EFNA5: variants seen among roughly 807,000 people sequenced by gnomAD.
The protein encoded by EFNA5 is ephrin A5.
In EFNA5, 5 loss-of-function variants were observed where a neutral mutation model predicts 22.9. That is an observed-to-expected ratio of 0.22 (90% CI 0.11 to 0.46). EFNA5 has a LOEUF of 0.46. Among genes scored for constraint, EFNA5 ranks in the 20% least tolerant of loss-of-function variants. The pLI, the probability that EFNA5 is intolerant of heterozygous loss-of-function variation, is 0.99. For missense variants in EFNA5, 237 were observed against 293.3 expected (o/e 0.81, Z 1.40); for synonymous variants, 113 against 112.2 (o/e 1.01, Z -0.04).
chr5:107,604,498 CTT>C (rs1379222980), intron 1 of EFNA5, among the ~76,000 whole-genome samples: 2 of 152,292 alleles, frequency 1.3e-5, no homozygotes, highest in East Asian at 3.9e-4. Flanking sequence ...AAGGAAATAA[CTT>C]AATTCAGCAC....
Position 107,569,399 on chromosome 5 carries a change from GTATA to G in EFNA5, c.125+101086_125+101089del, listed in dbSNP as rs199626096. Among the ~76,000 whole-genome samples the G allele has an allele frequency of 4.7e-3, 600 of 127,102 alleles. 2 individuals are homozygous for G. Among genetic ancestry groups the G allele is most frequent in the African/African-American group, 7.9e-3 (219 of 27,886 alleles). 83.4% of individuals were successfully genotyped at this position (127,102 alleles called of 152,430 possible). A position where few individuals can be genotyped will look rare whatever the true frequency, so the allele number is the denominator to read the frequency against. On this transcript the variant is annotated intron_variant, in intron 1 of 4. Coordinates refer to ENST00000333274, the MANE Select transcript of EFNA5 (RefSeq NM_001962.3). The stretch of plus-strand genomic sequence containing the variant: ...TATATATATTTTTATGTATATGTGT[GTATA>G]TATATATATATTTATGTATATGTGT...
chr5:107,460,329 C>T (rs1231290265), intron 1 of EFNA5, among the ~76,000 whole-genome samples: 1 of 152,122 alleles, frequency 6.6e-6, no homozygotes, highest in African/African-American at 2.4e-5. Context: ...ATTATCGGCC[C>T]TAACCATTTC....
chr5:107,527,290 C>CT (rs56960843), intron 1 of EFNA5, among the ~76,000 whole-genome samples: 39,045 of 142,316 alleles, frequency 0.27, 6,603 homozygotes, highest in African/African-American at 0.47. Context: ...TTTCTTTTTT[C>CT]TTTTTTTTTT....
At position 107,634,597 on chromosome 5, in the gene EFNA5, G is replaced by A. The variant is rs933629372; in HGVS notation, c.125+35892C>T. 3.4e-5 allele frequency among the ~76,000 whole-genome samples: 5 copies of A among 146,084 alleles called. 1 individual carries two copies. Among genetic ancestry groups the A allele is most frequent in the Non-Finnish European group, 6.1e-5 (4 of 65,114 alleles). On this transcript the variant is annotated intron_variant, in intron 1 of 4. Transcript: ENST00000333274. ...GGAAAACAGGTACCCTCCTACCAAC[G>A]CCCTGGGGAGTTCAAAACTCAGTAA...
rs77419879 is a variant in EFNA5, at chr5:107,521,206, G to A, written c.126-93697C>T. Among the ~76,000 whole-genome samples the A allele has an allele frequency of 5.4e-3, 817 of 152,114 alleles. 6 individuals carry two copies. The highest frequency in any genetic ancestry group is 0.012 in the Admixed American group (178 of 15,270). Reference sequence around the variant, plus strand: ...AGCCTACCTTAAACATGCTCAGAACGCTTACATTAGCCTATGGTTTGGCAA... The same window carrying A: ...AGCCTACCTTAAACATGCTCAGAACACTTACATTAGCCTATGGTTTGGCAA... On this transcript the variant is annotated intron_variant, in intron 1 of 4. Coordinates refer to ENST00000333274, the MANE Select transcript of EFNA5 (RefSeq NM_001962.3).
intron 1 of EFNA5, among the ~76,000 whole-genome samples, chr5:107,562,308 A>G (rs564064233): frequency 6.6e-6 from 1 of 152,100 alleles, no homozygotes; most frequent in Non-Finnish European, 1.5e-5. Context: ...TTCATTTATC[A>G]TTCTACCTAG....
intron 1 of EFNA5, among the ~76,000 whole-genome samples, chr5:107,591,978 TATATAATATATAATATATATAATATATAA>T (rs1749363917): frequency 2.4e-5 from 1 of 42,490 alleles, no homozygotes; most frequent in African/African-American, 1.3e-4. Context: ...ATATATATAA[TATATAATATATAATATATATAATATATAA>T]TATATATAAT....
chr5:107,559,882 C>G (rs1964510), intron 1 of EFNA5, among the ~76,000 whole-genome samples: 5,236 of 152,222 alleles, frequency 0.034, 289 homozygotes, highest in African/African-American at 0.12. Flanking sequence ...GATGCTTTCC[C>G]CCCAAATCTG....
chr5:107,423,873 C>A (rs986927095), intron 2 of EFNA5, among the ~76,000 whole-genome samples: 5 of 152,090 alleles, frequency 3.3e-5, no homozygotes, highest in African/African-American at 1.2e-4. Context: ...AACTGCAAAG[C>A]ATGTTTTATT....
At chr5:107,536,156 T>G (rs1747924461) in intron 1 of EFNA5, among the ~76,000 whole-genome samples, 1 of 152,238 alleles carries the variant, frequency 6.6e-6, no homozygotes, top group Non-Finnish European at 1.5e-5. Context: ...CAATTACTCC[T>G]TGTTCTATTT....
At chr5:107,670,170 A>T (rs1348318191) in intron 1 of EFNA5, among the ~76,000 whole-genome samples, 1 of 151,916 alleles carries the variant, frequency 6.6e-6, no homozygotes, top group Non-Finnish European at 1.5e-5. Context: ...GATGCCAGCC[A>T]GATGCCGGGG....
chr5:107,573,211 C>A (rs1280678898), intron 1 of EFNA5, among the ~76,000 whole-genome samples: 1 of 152,084 alleles, frequency 6.6e-6, no homozygotes, highest in Non-Finnish European at 1.5e-5. Context: ...CTCTCAACTT[C>A]AAACACAGAG....
Position 107,380,498 on chromosome 5 carries a change from A to G in EFNA5, c.*757T>C, listed in dbSNP as rs955372854. The G allele has an allele frequency of 1.4e-5, 4 of 292,770 alleles. No homozygotes were observed. The highest frequency in any genetic ancestry group is 8.9e-5 in the African/African-American group (4 of 44,926). 18.1% of individuals were successfully genotyped at this position (292,770 alleles called of 1,614,324 possible). Reference sequence around the variant, plus strand: ...CCAAAAAAATTAGAGGCACTCACACATACACACCCCCAGCAAACCTGTAGT... The same window carrying G: ...CCAAAAAAATTAGAGGCACTCACACGTACACACCCCCAGCAAACCTGTAGT... On this transcript the variant is annotated 3_prime_UTR_variant, in exon 5 of 5. Coordinates refer to ENST00000333274, the MANE Select transcript of EFNA5 (RefSeq NM_001962.3).
rs58619326 is a variant in EFNA5 at position 107,395,034 on chromosome 5, C to CTTTTTTTTT, written c.419-7272_419-7264dup. On this transcript the variant is annotated intron_variant, in intron 2 of 4. Coordinates refer to ENST00000333274, the MANE Select transcript of EFNA5 (RefSeq NM_001962.3). ...CCCCTTATAAGAAGGATTTCTAGTTCTTTTTTTTTTTTTTTTTTCCGCGAG... is the reference window on the plus strand; with the variant it reads ...CCCCTTATAAGAAGGATTTCTAGTTCTTTTTTTTTTTTTTTTTTTTTTTTTTTCCGCGAG... Among the ~76,000 whole-genome samples the CTTTTTTTTT allele has an allele frequency of 9.3e-5, 8 of 86,132 alleles. 2 individuals carry two copies. The highest frequency in any genetic ancestry group is 1.7e-4 in the African/African-American group (4 of 23,192). The allele number at this position is 86,132 out of a possible 152,430, so 56.5% of individuals were successfully genotyped here. A position where few individuals can be genotyped will look rare whatever the true frequency, so the allele number is the denominator to read the frequency against.
intron 2 of EFNA5, among the ~76,000 whole-genome samples, chr5:107,391,249 C>A (rs11957904): frequency 0.037 from 5,671 of 152,172 alleles, 202 homozygotes; most frequent in African/African-American, 0.095. Context: ...TCAAACTGTC[C>A]CTGCCCTTGT....
At chr5:107,423,258 A>C (rs979494361) in intron 2 of EFNA5, among the ~76,000 whole-genome samples, 6 of 152,174 alleles carry the variant, frequency 3.9e-5, no homozygotes, top group Non-Finnish European at 7.4e-5. Context: ...TCAGTGTTTT[A>C]TGGAATTACA....
At chr5:107,520,204 C>G (rs1230021463) in intron 1 of EFNA5, among the ~76,000 whole-genome samples, 1 of 152,254 alleles carries the variant, frequency 6.6e-6, no homozygotes, top group East Asian at 1.9e-4. Flanking sequence ...GTACTGTACC[C>G]GAGGCTTTCT....
intron 1 of EFNA5, among the ~76,000 whole-genome samples, chr5:107,488,014 C>A (rs1317042083): frequency 1.3e-5 from 2 of 152,152 alleles, no homozygotes; most frequent in African/African-American, 4.8e-5. Context: ...GTCTAATATT[C>A]CAGTCAGCAG....
intron 1 of EFNA5, among the ~76,000 whole-genome samples, chr5:107,451,078 T>C (rs191550410): frequency 1.5e-3 from 231 of 152,368 alleles, no homozygotes; most frequent in Non-Finnish European, 1.1e-3. Flanking sequence ...AAACGTTAAA[T>C]ATAGTTTATT....
Sources: allele counts gnomAD v4.1 joint callset (sites outside exome capture counted in the v4.1 genomes callset), GRCh38; gene constraint gnomAD v4.1.1; transcripts MANE v1.5; gene names NCBI Gene and HGNC (gene_info 2026-07-23, HGNC 2026-07-21).